The following UBR4 variants were observed in gnomAD, a reference collection of about 807,000 sequenced individuals.
The protein encoded by UBR4 is ubiquitin protein ligase E3 component n-recognin 4.
In UBR4, 124 loss-of-function variants were observed where a neutral mutation model predicts 575.6. The ratio of observed to expected loss-of-function variants is 0.22; its 90% confidence interval spans 0.19 to 0.25. The LOEUF (loss-of-function observed/expected upper bound fraction) is 0.25. UBR4 is among the 10% of genes least tolerant of loss of function. The pLI is 1.00. For synonymous variants in UBR4, 2,455 were observed against 2,473.7 expected (o/e 0.99, Z 0.22); for missense variants, 4,818 against 6,478.8 (o/e 0.74, Z 8.80).
intron 105 of UBR4, among the ~76,000 whole-genome samples, chr1:19,076,397 C>T (rs1029701414): frequency 2.0e-5 from 3 of 152,184 alleles, no homozygotes; most frequent in African/African-American, 7.2e-5. Flanking sequence ...AGCTATGTTC[C>T]CTTGGCCACT....
At chr1:19,174,911 C>T (rs760901231) in intron 21 of UBR4, 43 bp downstream of exon 21, 1 of 1,567,592 alleles carries the variant, frequency 6.4e-7, no homozygotes, top group Non-Finnish European at 8.8e-7. Flanking sequence ...TGGTGGAAAC[C>T]ATCTGACCCA....
At chr1:19,191,726 A>G (rs2092098932) in intron 11 of UBR4, among the ~76,000 whole-genome samples, 1 of 152,220 alleles carries the variant, frequency 6.6e-6, no homozygotes, top group South Asian at 2.1e-4. Context: ...ACCTGGGCTT[A>G]GAAAACGAAA....
At chr1:19,203,074 G>A (rs1038819974) in intron 1 of UBR4, among the ~76,000 whole-genome samples, 25 of 150,624 alleles carry the variant, frequency 1.7e-4, no homozygotes, top group African/African-American at 5.9e-4. Flanking sequence ...GCGAGACTCC[G>A]TCTCAGAGAA....
rs2236378 is a variant in UBR4 at position 19,095,566 on chromosome 1, G to A, written c.13605C>T (p.Val4535=). Residue 4535 remains valine (V), a synonymous_variant, in exon 93 of 106, where the codon GTC becomes GTT. Transcript: ENST00000375254. ...TTACCAGGTTTAGGGTCCCCAGCAT[G>A]ACGTTCAAGGTGTTCATTTCCAGTT... is the stretch of plus-strand genomic sequence containing the variant. ...LVKLEMNTLN[V]MLGTLNLALV... 9,593 of 1,613,974 alleles carry A rather than the reference G, an allele frequency of 5.9e-3. 230 individuals are homozygous for A. In the East Asian group the frequency reaches 0.07, roughly 12 times the overall value.
chr1:19,098,459 A>C (rs139842145), intron 90 of UBR4, among the ~76,000 whole-genome samples: 3 of 152,250 alleles, frequency 2.0e-5, no homozygotes, highest in Admixed American at 6.5e-5. Context: ...TTCAAGGGAG[A>C]TACCCTGGTG....
chr1:19,156,144 T>C, intron 42 of UBR4, 127 bp downstream of exon 42: 1 of 1,270,632 alleles, frequency 7.9e-7, no homozygotes, highest in Non-Finnish European at 1.1e-6. Context: ...AAGTAGCTGG[T>C]ACTACAGGTG....
chr1:19,204,390 A>G lies in UBR4; in HGVS notation c.177-2575T>C, dbSNP rs1319638650. ...ACTGGGTTTATTTCCAAAGTTCCTG[A>G]TTTATTTCCAAAGTTCAGAGCTGCT... On this transcript the variant is annotated intron_variant, in intron 1 of 105. Transcript: ENST00000375254. Among the ~76,000 whole-genome samples the G allele has an allele frequency of 2.0e-5, 3 of 152,136 alleles. No homozygotes were observed. The East Asian group carries it at 5.8e-4, about 29-fold the overall frequency.
intron 50 of UBR4, 142 bp from the exon 51 acceptor site, chr1:19,148,269 AGTTTC>A: frequency 2.7e-6 from 3 of 1,122,454 alleles, no homozygotes; most frequent in Non-Finnish European, 3.7e-6. Flanking sequence ...AAAAAAAAAA[AGTTTC>A]AGAAATTATA....
intron 69 of UBR4, 147 bp downstream of exon 69, chr1:19,120,033 A>G (rs1392855725): frequency 2.9e-6 from 3 of 1,031,064 alleles, no homozygotes; most frequent in African/African-American, 1.6e-5. Flanking sequence ...AGCAGACAAC[A>G]ATAAAGAAAT....
chr1:19,119,474 G>A (rs755576324), intron 70 of UBR4, 83 bp downstream of exon 70: 263 of 1,540,850 alleles, frequency 1.7e-4, no homozygotes, highest in Non-Finnish European at 2.1e-4. Context: ...CCCTATATCT[G>A]GGTTGTTCAT....
At chr1:19,131,645 G>A (rs2082470042) in intron 60 of UBR4, among the ~76,000 whole-genome samples, 1 of 152,108 alleles carries the variant, frequency 6.6e-6, no homozygotes, top group Non-Finnish European at 1.5e-5. Context: ...AGGCCAAGGT[G>A]GGCAGATCAT....
rs148378689 is a variant in UBR4 at position 19,158,963 on chromosome 1, G to C, written c.5578-966C>G. On this transcript the variant is annotated intron_variant, in intron 39 of 105. Coordinates refer to ENST00000375254, the MANE Select transcript of UBR4 (RefSeq NM_020765.3). ...TCGAGACCATTCTGGGCAACATGGT[G>C]AAATCCTATCTCTACTAAAAATACA... Among the ~76,000 whole-genome samples, 121 of 152,030 alleles carry C rather than the reference G, an allele frequency of 8.0e-4. 1 individual carries two copies. The highest frequency in any genetic ancestry group is 2.6e-3 in the African/African-American group (108 of 41,504).
chr1:19,116,125 A>G (rs2080499258), intron 73 of UBR4, among the ~76,000 whole-genome samples: 1 of 152,246 alleles, frequency 6.6e-6, no homozygotes, highest in African/African-American at 2.4e-5. Flanking sequence ...TAACACAATG[A>G]GAGCTAATAT....
chr1:19,151,137 A>C, intron 48 of UBR4: 1 of 361,642 alleles, frequency 2.8e-6, no homozygotes, highest in South Asian at 3.3e-5. Context: ...ATGATCATTC[A>C]CACTAACAGC....
chr1:19,113,437 T>TAA (rs547194415), intron 77 of UBR4: 1 of 503,974 alleles, frequency 2.0e-6, no homozygotes, highest in Admixed American at 3.6e-5. Flanking sequence ...TGTTAATGGC[T>TAA]AAAAAAAACC....
intron 53 of UBR4, among the ~76,000 whole-genome samples, chr1:19,145,573 G>A (rs963894409): frequency 2.1e-5 from 3 of 144,496 alleles, no homozygotes; most frequent in Admixed American, 1.5e-4. Flanking sequence ...ATTCAACCCC[G>A]ATGAAAAGAT....
At chr1:19,087,735 T>A in intron 99 of UBR4, 81 bp downstream of exon 99, 1 of 1,132,248 alleles carries the variant, frequency 8.8e-7, no homozygotes, top group Non-Finnish European at 1.3e-6. Flanking sequence ...AAGAACAAAA[T>A]GGCCTGGAGG....
intron 1 of UBR4, among the ~76,000 whole-genome samples, chr1:19,209,315 G>A (rs1001768962): frequency 6.6e-6 from 1 of 152,146 alleles, no homozygotes; most frequent in Non-Finnish European, 1.5e-5. Context: ...AGTATGTCAG[G>A]AAAAGGCAGG....
Position 19,201,063 on chromosome 1 carries a change from C to T in UBR4, c.274+655G>A, listed in dbSNP as rs570724046. Among the ~76,000 whole-genome samples, 5 of 152,242 alleles carry T rather than the reference C, an allele frequency of 3.3e-5. 1 individual carries two copies. The highest frequency in any genetic ancestry group is 1.2e-4 in the African/African-American group (5 of 41,546). On this transcript the variant is annotated intron_variant, in intron 2 of 105. Transcript: ENST00000375254. ...CTAAGGCAGGAGAATCACTAGAGCC[C>T]AGGAGTTCAAGGATGCAGTGAGCTA...
Sources: allele counts gnomAD v4.1 joint callset (sites outside exome capture counted in the v4.1 genomes callset), GRCh38; gene constraint gnomAD v4.1.1; transcripts MANE v1.5; gene names NCBI Gene and HGNC (gene_info 2026-07-23, HGNC 2026-07-21).